Variants in SLC24A2 observed in about 807,000 individuals in gnomAD.
SLC24A2 encodes the protein sodium/potassium/calcium exchanger 2.
A neutral mutation model predicts 62.0 loss-of-function variants in SLC24A2; 36 were observed. That is an observed-to-expected ratio of 0.58 (90% CI 0.44 to 0.77). The LOEUF (loss-of-function observed/expected upper bound fraction) is 0.77, where lower values mean the gene tolerates loss of function less well. Among genes scored for constraint, SLC24A2 ranks in the 30% least tolerant of loss-of-function variants. The pLI, the probability that SLC24A2 is intolerant of heterozygous loss-of-function variation, is 0.00. For synonymous variants in SLC24A2, 358 were observed against 294.0 expected (o/e 1.22, Z -2.23); for missense variants, 846 against 817.9 (o/e 1.03, Z -0.42).
intron 2 of SLC24A2, among the ~76,000 whole-genome samples, chr9:19,696,990 ATTTTC>A (rs1587169730): frequency 6.6e-6 from 1 of 152,202 alleles, no homozygotes; most frequent in South Asian, 2.1e-4. Context: ...ATGTCGAGCT[ATTTTC>A]TTTTAAGTGT....
chr9:19,568,040 T>C (rs1419544928), intron 7 of SLC24A2, among the ~76,000 whole-genome samples: 1 of 152,200 alleles, frequency 6.6e-6, no homozygotes, highest in Non-Finnish European at 1.5e-5. Context: ...CTCAGGAGAA[T>C]AACAGTGTGG....
intron 2 of SLC24A2, among the ~76,000 whole-genome samples, chr9:19,629,491 C>G (rs113639866): frequency 6.6e-6 from 1 of 152,162 alleles, no homozygotes; most frequent in African/African-American, 2.4e-5. Flanking sequence ...AGCATCATTA[C>G]TTAGAATCAC....
At chr9:19,974,041 T>A in the SLC24A2 span, among the ~76,000 whole-genome samples, 1 of 152,194 alleles carries the variant, frequency 6.6e-6, no homozygotes, top group East Asian at 1.9e-4. Context: ...CTCATAAGGA[T>A]GTTGGAGAGT....
At chr9:20,288,150 G>A in the SLC24A2 span, among the ~76,000 whole-genome samples, 13 of 152,152 alleles carry the variant, frequency 8.5e-5, no homozygotes, top group Non-Finnish European at 1.9e-4. Context: ...GCAGTACTTA[G>A]TGACTTGCAA....
chr9:20,153,893 A>G, the SLC24A2 span, among the ~76,000 whole-genome samples: 12 of 152,052 alleles, frequency 7.9e-5, no homozygotes, highest in African/African-American at 2.9e-4. Flanking sequence ...TAAATGTTTT[A>G]ATAAATATTT....
At chr9:20,099,238 G>C in the SLC24A2 span, among the ~76,000 whole-genome samples, 1 of 152,310 alleles carries the variant, frequency 6.6e-6, no homozygotes, top group African/African-American at 2.4e-5. Flanking sequence ...TGTTAATATA[G>C]TTCTATCCAG....
At chr9:20,152,820 A>G in the SLC24A2 span, among the ~76,000 whole-genome samples, 1 of 151,830 alleles carries the variant, frequency 6.6e-6, no homozygotes, top group Non-Finnish European at 1.5e-5. Flanking sequence ...TTGGGTGTAA[A>G]ATGGGGCCTT....
At chr9:20,002,129 C>A in the SLC24A2 span, among the ~76,000 whole-genome samples, 13 of 152,146 alleles carry the variant, frequency 8.5e-5, no homozygotes, top group Non-Finnish European at 7.3e-5. Context: ...AGTACCACCA[C>A]CTCTGGTGCA....
At chr9:19,851,027 A>ATATATATATATT in the SLC24A2 span, among the ~76,000 whole-genome samples, 1 of 55,292 alleles carries the variant, frequency 1.8e-5, no homozygotes, top group African/African-American at 7.7e-5. Flanking sequence ...ATATATACAT[A>ATATATATATATT]TTTTTTTTTT....
At chr9:19,895,526 T>TTATC in the SLC24A2 span, among the ~76,000 whole-genome samples, 1 of 136,594 alleles carries the variant, frequency 7.3e-6, no homozygotes, top group Non-Finnish European at 1.5e-5. Flanking sequence ...TCCCCTGCCC[T>TTATC]TTTCTTTCTT....
chr9:19,647,765 T>C (rs1042015836), intron 2 of SLC24A2, among the ~76,000 whole-genome samples: 1 of 152,234 alleles, frequency 6.6e-6, no homozygotes, highest in South Asian at 2.1e-4. Flanking sequence ...GAACATAGGT[T>C]CTCACCTCTA....
chr9:20,178,941 T>C, the SLC24A2 span, among the ~76,000 whole-genome samples: 1 of 152,166 alleles, frequency 6.6e-6, no homozygotes, highest in Non-Finnish European at 1.5e-5. Context: ...TATGACTCCA[T>C]AAGACCAGCT....
chr9:20,012,724 C>T, the SLC24A2 span, among the ~76,000 whole-genome samples: 96 of 152,196 alleles, frequency 6.3e-4, 1 homozygote, highest in African/African-American at 2.2e-3. Flanking sequence ...AGCATTTTTA[C>T]ATACCAATAA....
chr9:19,562,087 CCAA>C (rs1317232542), intron 7 of SLC24A2, among the ~76,000 whole-genome samples: 6 of 152,118 alleles, frequency 3.9e-5, no homozygotes, highest in Non-Finnish European at 7.3e-5. Flanking sequence ...GCATTTTGCT[CCAA>C]CGATTCTGAG....
At chr9:20,164,173 G>A in the SLC24A2 span, among the ~76,000 whole-genome samples, 1 of 152,000 alleles carries the variant, frequency 6.6e-6, no homozygotes, top group African/African-American at 2.4e-5. Flanking sequence ...AGCAAAAGAA[G>A]CTACCATCCG....
chr9:19,534,301 T>G (rs995862590), intron 8 of SLC24A2, among the ~76,000 whole-genome samples: 10 of 152,204 alleles, frequency 6.6e-5, no homozygotes, highest in Non-Finnish European at 1.5e-4. Context: ...ATGCCTGGTT[T>G]CCTTTACTAG....
the SLC24A2 span, among the ~76,000 whole-genome samples, chr9:20,015,677 C>G: frequency 3.4e-4 from 51 of 152,176 alleles, no homozygotes; most frequent in African/African-American, 1.2e-3. Context: ...TGCCTCGTTC[C>G]CCACCCACTT....
chr9:19,979,954 T>G, the SLC24A2 span, among the ~76,000 whole-genome samples: 1 of 152,218 alleles, frequency 6.6e-6, no homozygotes, highest in Admixed American at 6.5e-5. Flanking sequence ...GTAGGTTGAT[T>G]GCCTGCAAAG....
chr9:19,572,259 CAAAA>C (rs34529143), intron 7 of SLC24A2, among the ~76,000 whole-genome samples: 1 of 69,780 alleles, frequency 1.4e-5, no homozygotes, highest in African/African-American at 6.1e-5. Context: ...GAGTCCGTCT[CAAAA>C]AAAAAAAAAA....
Sources: allele counts gnomAD v4.1 joint callset (sites outside exome capture counted in the v4.1 genomes callset), GRCh38; gene constraint gnomAD v4.1.1; transcripts MANE v1.5; gene names NCBI Gene and HGNC (gene_info 2026-07-23, HGNC 2026-07-21).